The following FH variants were observed in gnomAD, a reference collection of about 807,000 sequenced individuals.
FH encodes fumarate hydratase, mitochondrial.
FH carries 22 observed loss-of-function variants against 49.4 expected under a neutral mutation model. The ratio of observed to expected loss-of-function variants is 0.45; its 90% CI spans 0.32 to 0.64. The LOEUF (loss-of-function observed/expected upper bound fraction) is 0.64. Ranked by LOEUF, FH falls within the 30% of genes least tolerant of loss-of-function variation. The probability of loss-of-function intolerance (pLI) is 0.05; values close to 1 mark genes in which losing one functional copy is unlikely to be tolerated. For synonymous variants in FH, 208 were observed against 223.0 expected, an observed-to-expected ratio of 0.93 and a Z score of 0.60; for missense variants, 526 against 641.5, an observed-to-expected ratio of 0.82 and a Z score of 1.95.
At chr1:241,516,413 A>C (rs1660211925) in intron 2 of FH, among the ~76,000 whole-genome samples, 1 of 152,230 alleles carries the variant, frequency 6.6e-6, no homozygotes, top group South Asian at 2.1e-4. Context: ...AGGAACAGAA[A>C]ACCAAACCCG....
intron 2 of FH, among the ~76,000 whole-genome samples, 156 bp from the exon 3 acceptor site, chr1:241,513,869 C>T (rs947827792): frequency 6.6e-6 from 1 of 152,060 alleles, no homozygotes; most frequent in African/African-American, 2.4e-5. Flanking sequence ...AGATTATAGA[C>T]AGGAATTCAT....
chr1:241,517,036 G>T, intron 2 of FH, 146 bp downstream of exon 2: 1 of 914,490 alleles, frequency 1.1e-6, no homozygotes. Context: ...TAACATTTTA[G>T]TGAAAGAGAA....
chr1:241,501,901 C>T (rs1217251104), intron 8 of FH, among the ~76,000 whole-genome samples: 1 of 152,112 alleles, frequency 6.6e-6, no homozygotes, highest in Non-Finnish European at 1.5e-5. Flanking sequence ...TAAAGCCAGA[C>T]AATGAAACGA....
In FH at chr1:241,502,444, A is replaced by C; in HGVS notation, c.1235T>G (p.Met412Arg). The stretch of plus-strand genomic sequence containing the variant: ...TTAAAAATCAGATTTAAAGCTTACC[A>C]TCATTGGCTTGAAAACATTCAACTC... ...HFELNVFKPM[M>R]IKNVLHSARL... is the part of the protein sequence containing the mutation. Residue 412 changes from methionine to arginine, a missense_variant and splice_region_variant, in exon 8 of 10, where the codon ATG becomes AGG. By Grantham distance (91) the Met-to-Arg change is moderately conservative. Coordinates refer to ENST00000366560, the MANE Select transcript of FH (RefSeq NM_000143.4). The C allele has an allele frequency of 6.2e-7, 1 of 1,614,058 alleles. No individual in the cohort carries two copies. Among genetic ancestry groups the C allele is most frequent in the East Asian group, 2.2e-5 (1 of 44,874 alleles).
intron 6 of FH, among the ~76,000 whole-genome samples, chr1:241,505,224 T>G (rs1659881726): frequency 6.6e-6 from 1 of 152,112 alleles, no homozygotes; most frequent in Non-Finnish European, 1.5e-5. Flanking sequence ...AATACAATTT[T>G]TTAAAGTTTC....
At chr1:241,512,252 C>T (rs1463940736) in intron 3 of FH, 109 bp from the exon 4 acceptor site, 2 of 881,046 alleles carry the variant, frequency 2.3e-6, no homozygotes, top group Non-Finnish European at 1.8e-6. Flanking sequence ...TGAAGCATCA[C>T]TTGCTCCAAC....
chr1:241,516,514 G>A (rs1280256468), intron 2 of FH, among the ~76,000 whole-genome samples: 1 of 152,114 alleles, frequency 6.6e-6, no homozygotes. Context: ...GGGCGGAGGG[G>A]GAGCAGCAGA....
intron 1 of FH, among the ~76,000 whole-genome samples, chr1:241,517,917 C>A (rs1660263139): frequency 6.6e-6 from 1 of 152,134 alleles, no homozygotes; most frequent in African/African-American, 2.4e-5. Context: ...AATGATCACA[C>A]TAATTATTCA....
At chr1:241,514,596 G>C (rs1660170055) in intron 2 of FH, among the ~76,000 whole-genome samples, 2 of 152,052 alleles carry the variant, frequency 1.3e-5, no homozygotes, top group African/African-American at 4.8e-5. Flanking sequence ...AGAGAATGAT[G>C]AATGTATAAG....
At position 241,497,919 on chromosome 1, in the gene FH, G is replaced by A. The variant is rs747250739; in HGVS notation, c.1442C>T (p.Thr481Ile). Residue 481 changes from threonine to isoleucine, a missense_variant, in exon 10 of 10, where the codon ACC (threonine) becomes ATC (isoleucine). Around this residue, in one of 2 missense-constraint regions of FH, gnomAD observed 383 missense variants for 514.0 expected, o/e 0.75. Transcript: ENST00000366560. ...AAGTTCGATAGCAGTTTCCTTTAAG[G>A]TTGATCCATTTTTGTGTGCTGTCTT... Reference protein sequence around the residue: ...IAKTAHKNGSTLKETAIELGY... With the variant: ...IAKTAHKNGSILKETAIELGY... 6.2e-7 allele frequency: 1 copy of A among 1,613,810 alleles called. No homozygotes were observed. The highest frequency in any genetic ancestry group is 1.7e-5 in the Admixed American group (1 of 59,970).
rs28593473 is a variant in FH, at chr1:241,502,011, A to C, written c.1236+432T>G. ...GGACAGTCAACATCAACTATTAGTA[A>C]GGGAAGAACTAACTGCGCAATGCCA... On this transcript the variant is annotated intron_variant, in intron 8 of 9. Coordinates refer to ENST00000366560, the MANE Select transcript of FH (RefSeq NM_000143.4). Among the ~76,000 whole-genome samples, 3 of 152,222 alleles carry C rather than the reference A, an allele frequency of 2.0e-5. No homozygotes were observed. In the East Asian group the frequency reaches 5.8e-4, roughly 29 times the overall value.
intron 4 of FH, among the ~76,000 whole-genome samples, chr1:241,511,146 C>G (rs2147921223): frequency 6.6e-6 from 1 of 152,226 alleles, no homozygotes; most frequent in South Asian, 2.1e-4. Flanking sequence ...GCGGCCTTTG[C>G]AAGGTGATTA....
intron 5 of FH, among the ~76,000 whole-genome samples, chr1:241,507,783 C>G (rs1573882617): frequency 6.6e-6 from 1 of 152,180 alleles, no homozygotes; most frequent in East Asian, 1.9e-4. Context: ...CCTTAAGAAG[C>G]AACTCAATCC....
At chr1:241,503,783 G>A (rs569840606) in intron 7 of FH, among the ~76,000 whole-genome samples, 56 of 152,324 alleles carry the variant, frequency 3.7e-4, no homozygotes, top group Admixed American at 7.2e-4. Context: ...TTCAACCCGC[G>A]CTGATCACTT....
intron 9 of FH, among the ~76,000 whole-genome samples, chr1:241,498,786 G>GA (rs1237578376): frequency 5.4e-5 from 7 of 128,502 alleles, no homozygotes; most frequent in Non-Finnish European, 1.1e-4. Flanking sequence ...CAATGCGGGA[G>GA]AAAAAAAACA....
At chr1:241,499,996 C>T (rs1437508260) in intron 9 of FH, among the ~76,000 whole-genome samples, 1 of 152,076 alleles carries the variant, frequency 6.6e-6, no homozygotes, top group Non-Finnish European at 1.5e-5. Context: ...TGTAACTTTC[C>T]ATTTCTGAAT....
rs61737760 is a variant in FH, at chr1:241,504,223, C to T, written c.927G>A (p.Pro309=). The stretch of plus-strand genomic sequence containing the variant: ...GAGCAGCCAGAGCTTCAAATTTATT[C>T]GGAGCAGTGACAAAAGGCAAGCCTA... ...ALTGLPFVTA[P]NKFEALAAHD... Residue 309 remains proline, a synonymous_variant, in exon 7 of 10, where the codon CCG becomes CCA. Transcript: ENST00000366560. 0.029 allele frequency: 46,452 copies of T among 1,613,886 alleles called. 1,032 individuals are homozygous for T. The highest frequency in any genetic ancestry group is 0.1 in the Middle Eastern group (608 of 6,052).
intron 6 of FH, among the ~76,000 whole-genome samples, chr1:241,504,783 T>C (rs1183698779): frequency 1.3e-5 from 2 of 152,036 alleles, no homozygotes; most frequent in African/African-American, 4.8e-5. Context: ...ACAAGTATGA[T>C]AAATGTACTG....
At position 241,519,702 on chromosome 1, in the gene FH, G is replaced by C. The variant is rs1263147931; in HGVS notation, c.21C>G (p.Leu7=). 1 of 1,546,914 alleles carries C rather than the reference G, an allele frequency of 6.5e-7. No homozygotes were observed. The highest frequency in any genetic ancestry group is 8.7e-7 in the Non-Finnish European group (1 of 1,145,774). Residue 7 remains leucine (L), a synonymous_variant, in exon 1 of 10, where the codon CTC becomes CTG. Transcript: ENST00000366560. The part of the protein sequence containing the change: MYRALR[L]LARSRPLVRA... ...GCACGAGGGGACGCGAGCGCGCGAGGAGCCGAAGTGCTCGGTACATGGTGC... is the reference window on the plus strand; with the variant it reads ...GCACGAGGGGACGCGAGCGCGCGAGCAGCCGAAGTGCTCGGTACATGGTGC...
Sources: allele counts gnomAD v4.1 joint callset (sites outside exome capture counted in the v4.1 genomes callset), GRCh38; gene constraint gnomAD v4.1.1; regional missense constraint gnomAD v4.1.1; transcripts MANE v1.5; gene names NCBI Gene and HGNC (gene_info 2026-07-23, HGNC 2026-07-21).